Variants in LUC7L2 observed in about 807,000 individuals in gnomAD.
LUC7L2 encodes putative RNA-binding protein Luc7-like 2.
LUC7L2 carries 25 observed loss-of-function variants against 52.8 expected under a neutral mutation model. That is an observed-to-expected ratio of 0.47 (90% CI 0.34 to 0.66). The LOEUF (loss-of-function observed/expected upper bound fraction) is 0.66. Ranked by LOEUF, LUC7L2 falls within the 30% of genes least tolerant of loss-of-function variation. LUC7L2 has a pLI of 0.01. For synonymous variants in LUC7L2, 144 were observed against 160.9 expected, an observed-to-expected ratio of 0.89 and a Z score of 0.80; for missense variants, 328 against 497.8, an observed-to-expected ratio of 0.66 and a Z score of 3.25.
At chr7:139,385,101 T>G (rs962799461) in intron 2 of LUC7L2, among the ~76,000 whole-genome samples, 3 of 152,200 alleles carry the variant, frequency 2.0e-5, no homozygotes, top group Non-Finnish European at 4.4e-5. Context: ...TGTGTATTAC[T>G]TGTATTAATA....
upstream of LUC7L2, among the ~76,000 whole-genome samples, chr7:139,355,887 A>T (rs942050025): frequency 3.3e-5 from 5 of 152,254 alleles, no homozygotes; most frequent in African/African-American, 1.2e-4. Flanking sequence ...GAATGAATGA[A>T]AACTCATTGT....
intron 5 of LUC7L2, among the ~76,000 whole-genome samples, 178 bp from the exon 6 acceptor site, chr7:139,406,996 T>G (rs1795144721): frequency 7.6e-6 from 1 of 131,256 alleles, no homozygotes; most frequent in Admixed American, 8.7e-5. Context: ...AGCCATGCTT[T>G]TGTGGTTTTT....
intron 2 of LUC7L2, among the ~76,000 whole-genome samples, chr7:139,381,646 G>C (rs977204485): frequency 2.6e-5 from 4 of 151,454 alleles, no homozygotes; most frequent in Admixed American, 2.6e-4. Context: ...GTTTGATCTC[G>C]GCTCACTGCA....
At chr7:139,349,948 T>C (rs1205159158) in intron 1 of LUC7L2, among the ~76,000 whole-genome samples, 1 of 152,202 alleles carries the variant, frequency 6.6e-6, no homozygotes, top group Non-Finnish European at 1.5e-5. Flanking sequence ...CAAAAGGTTA[T>C]CTTGTGCCCC....
At chr7:139,383,363 C>G (rs1801143870) in intron 2 of LUC7L2, among the ~76,000 whole-genome samples, 1 of 151,788 alleles carries the variant, frequency 6.6e-6, no homozygotes, top group Non-Finnish European at 1.5e-5. Context: ...GGTGATCCGC[C>G]CATCTCGGCC....
intron 2 of LUC7L2, among the ~76,000 whole-genome samples, chr7:139,386,430 A>G (rs1243775017): frequency 8.1e-4 from 105 of 129,668 alleles, no homozygotes; most frequent in African/African-American, 3.1e-3. Flanking sequence ...TTTGAGATGG[A>G]GTCTCACTCT....
rs182682252 is a variant in LUC7L2 at position 139,414,871 on chromosome 7, C to T, written c.809+2291C>T. Among the ~76,000 whole-genome samples, 10 of 146,102 alleles carry T rather than the reference C, an allele frequency of 6.8e-5. No homozygotes were observed. In the East Asian group the frequency reaches 1.8e-3, roughly 26 times the overall value. On this transcript the variant is annotated intron_variant, in intron 8 of 9. Transcript: ENST00000354926. ...ATATTTCCACTCTTTTCTCTTTTTC[C>T]ACTCTACGTAATAACATCTTTTAAT... is the stretch of plus-strand genomic sequence containing the variant.
chr7:139,385,905 C>T (rs745687836), intron 2 of LUC7L2, among the ~76,000 whole-genome samples: 12 of 152,030 alleles, frequency 7.9e-5, no homozygotes, highest in South Asian at 2.1e-4. Flanking sequence ...GTGTGTTCTC[C>T]GCAACTATTT....
chr7:139,359,992 G>A lies in LUC7L2; in HGVS notation c.-270G>A. On this transcript the variant is annotated 5_prime_UTR_variant, in exon 1 of 10. Coordinates refer to ENST00000354926, the MANE Select transcript of LUC7L2 (RefSeq NM_016019.5). ...CGGTGTTGAAGGCGAGAGCTTGCTT[G>A]GCCCGTGTCGCTTCTGTCCCAAGAA... is the stretch of plus-strand genomic sequence containing the variant. 1 of 468,000 alleles carries A rather than the reference G, an allele frequency of 2.1e-6. No homozygotes were observed. Among genetic ancestry groups the A allele is most frequent in the Non-Finnish European group, 3.8e-6 (1 of 264,280 alleles). 29.0% of individuals were successfully genotyped at this position (468,000 alleles called of 1,614,324 possible).
chr7:139,420,025 C>T (rs1457217521), intron 9 of LUC7L2, among the ~76,000 whole-genome samples: 1 of 151,114 alleles, frequency 6.6e-6, no homozygotes, highest in Non-Finnish European at 1.5e-5. Flanking sequence ...TGCTGTTCTC[C>T]TTTCCCTACT....
At chr7:139,354,127 G>T (rs922841863) in intron 1 of LUC7L2, among the ~76,000 whole-genome samples, 8 of 149,906 alleles carry the variant, frequency 5.3e-5, no homozygotes, top group Non-Finnish European at 7.4e-5. Context: ...AAAAAAAATT[G>T]AAAAAATTTA....
At chr7:139,341,010 C>T (rs1052346849) in intron 1 of LUC7L2, 1 of 195,026 alleles carries the variant, frequency 5.1e-6, no homozygotes, top group Non-Finnish European at 1.0e-5. Context: ...AATGTCTTCT[C>T]AGCGTGTTCC....
Position 139,402,175 on chromosome 7 carries a change from T to C in LUC7L2, c.294T>C (p.Asp98=). 2 of 1,610,054 alleles carry C rather than the reference T, an allele frequency of 1.2e-6. No homozygotes were observed. Among genetic ancestry groups the C allele is most frequent in the Non-Finnish European group, 8.5e-7 (1 of 1,178,658 alleles). Residue 98 remains aspartate (D), a synonymous_variant, in exon 4 of 10, where the codon GAT becomes GAC. Coordinates refer to ENST00000354926, the MANE Select transcript of LUC7L2 (RefSeq NM_016019.5). Reference sequence around the variant, plus strand: ...TGCAGTCATTCATTGCAGATTGTGATCGTAGAACAGAAGTGGCCAAGAAAA... The same window carrying C: ...TGCAGTCATTCATTGCAGATTGTGACCGTAGAACAGAAGTGGCCAAGAAAA... The part of the protein sequence containing the change: ...DHLQSFIADC[D]RRTEVAKKRL...
upstream of LUC7L2, chr7:139,359,643 T>C (rs916160908): frequency 2.5e-6 from 1 of 397,450 alleles, no homozygotes; most frequent in Non-Finnish European, 4.4e-6. Context: ...AGCGCAGCCT[T>C]AGCCGCCAGC....
At chr7:139,382,441 G>A (rs902787208) in intron 2 of LUC7L2, among the ~76,000 whole-genome samples, 2 of 152,082 alleles carry the variant, frequency 1.3e-5, no homozygotes, top group Non-Finnish European at 2.9e-5. Flanking sequence ...GGAGTGCAGT[G>A]GTGCTATCTT....
chr7:139,393,495 G>A (rs536274532), intron 2 of LUC7L2, among the ~76,000 whole-genome samples: 62 of 152,026 alleles, frequency 4.1e-4, no homozygotes, highest in African/African-American at 8.9e-4. Flanking sequence ...TCTGTTTCCC[G>A]GGCTGGAGTG....
At chr7:139,369,746 C>T (rs1800347699) in intron 1 of LUC7L2, among the ~76,000 whole-genome samples, 2 of 152,128 alleles carry the variant, frequency 1.3e-5, no homozygotes, top group African/African-American at 2.4e-5. Context: ...TGAACTTGTT[C>T]TGGAGATTTC....
At chr7:139,346,013 G>C in intron 1 of LUC7L2, 1 of 183,544 alleles carries the variant, frequency 5.4e-6, no homozygotes, top group South Asian at 1.0e-4. Context: ...CAAGGCAGGC[G>C]GATCACCTGA....
intron 1 of LUC7L2, among the ~76,000 whole-genome samples, chr7:139,350,825 C>T (rs1398420074): frequency 6.6e-6 from 1 of 151,824 alleles, no homozygotes; most frequent in Non-Finnish European, 1.5e-5. Context: ...AACAGGCGCC[C>T]GCCACAACGC....
Sources: gnomAD v4.1 joint callset for allele counts (sites outside exome capture counted in the v4.1 genomes callset) on GRCh38, gnomAD v4.1.1 for gene constraint, MANE v1.5 for transcripts, NCBI Gene and HGNC (gene_info 2026-07-23, HGNC 2026-07-21) for gene names.